LYPLAL1: variants seen among roughly 807,000 people sequenced by gnomAD.
LYPLAL1 encodes lysophospholipase-like protein 1.
Under a neutral mutation model 19.7 loss-of-function variants are expected in LYPLAL1, and 23 were observed. That is an observed-to-expected ratio of 1.17 (90% CI 0.84 to 1.65). The LOEUF (loss-of-function observed/expected upper bound fraction) is 1.65. Among genes scored for constraint, LYPLAL1 ranks in the 40% most tolerant of loss-of-function variants. The probability of loss-of-function intolerance (pLI) is 0.00; values close to 1 mark genes in which losing one functional copy is unlikely to be tolerated. For missense variants in LYPLAL1, 355 were observed against 279.4 expected, an observed-to-expected ratio of 1.27 and a Z score of -1.93; for synonymous variants, 119 against 96.3, an observed-to-expected ratio of 1.24 and a Z score of -1.38.
intron 2 of LYPLAL1, among the ~76,000 whole-genome samples, chr1:219,190,017 C>T (rs187085086): frequency 3.0e-4 from 46 of 151,566 alleles, no homozygotes; most frequent in Non-Finnish European, 5.2e-4. Context: ...ACGTTATATA[C>T]TAACTTAATA....
At chr1:219,406,203 C>T in the LYPLAL1 span, among the ~76,000 whole-genome samples, 1 of 152,154 alleles carries the variant, frequency 6.6e-6, no homozygotes, top group East Asian at 1.9e-4. Context: ...GCATTGGGGC[C>T]AAGAGCTTTT....
chr1:219,222,019 C>T, the LYPLAL1 span, among the ~76,000 whole-genome samples: 38 of 152,140 alleles, frequency 2.5e-4, no homozygotes, highest in Admixed American at 7.2e-4. Flanking sequence ...TGATAACTCA[C>T]GTGCTAGAAT....
At chr1:219,259,408 C>CAT in the LYPLAL1 span, among the ~76,000 whole-genome samples, 506 of 141,830 alleles carry the variant, frequency 3.6e-3, 4 homozygotes, top group South Asian at 4.0e-3. Context: ...GGTATATATA[C>CAT]ATATATATAT....
At chr1:219,441,451 T>C in the LYPLAL1 span, among the ~76,000 whole-genome samples, 1 of 152,182 alleles carries the variant, frequency 6.6e-6, no homozygotes, top group Non-Finnish European at 1.5e-5. Context: ...TGAAGCAAGA[T>C]TGTCCATGTG....
At chr1:219,401,700 G>A in the LYPLAL1 span, among the ~76,000 whole-genome samples, 1 of 152,132 alleles carries the variant, frequency 6.6e-6, no homozygotes, top group Admixed American at 6.5e-5. Context: ...TTGTAGCCAT[G>A]TGTATAATTA....
At chr1:219,277,363 G>T in the LYPLAL1 span, among the ~76,000 whole-genome samples, 1,945 of 152,278 alleles carry the variant, frequency 0.013, 27 homozygotes, top group South Asian at 0.054. Context: ...TGTAAATGGG[G>T]TGTAGCTGAA....
chr1:219,212,918 T>A (rs2125123952), downstream of LYPLAL1: 1 of 152,206 alleles, frequency 6.6e-6, no homozygotes, highest in East Asian at 1.9e-4. Context: ...AGGAGTAGAA[T>A]GGCTGGGTTA....
At chr1:219,235,927 T>A in the LYPLAL1 span, among the ~76,000 whole-genome samples, 5 of 152,330 alleles carry the variant, frequency 3.3e-5, no homozygotes, top group African/African-American at 9.6e-5. Context: ...TCAACAATAT[T>A]GTTTTCATTA....
chr1:219,311,463 C>T, the LYPLAL1 span, among the ~76,000 whole-genome samples: 1 of 151,994 alleles, frequency 6.6e-6, no homozygotes, highest in African/African-American at 2.4e-5. Context: ...ATTATTCCCC[C>T]CATACCAACA....
At chr1:219,232,625 A>G in the LYPLAL1 span, among the ~76,000 whole-genome samples, 1 of 152,342 alleles carries the variant, frequency 6.6e-6, no homozygotes, top group East Asian at 1.9e-4. Context: ...ATATTTGCCA[A>G]TCATTTATCT....
the LYPLAL1 span, among the ~76,000 whole-genome samples, chr1:219,383,473 T>G: frequency 1.3e-5 from 2 of 152,174 alleles, no homozygotes; most frequent in Non-Finnish European, 2.9e-5. Context: ...TCAATATACT[T>G]CAGGTGGTGT....
At chr1:219,412,940 C>A in the LYPLAL1 span, among the ~76,000 whole-genome samples, 3 of 152,140 alleles carry the variant, frequency 2.0e-5, no homozygotes, top group Non-Finnish European at 2.9e-5. Flanking sequence ...TTAAAAGGAA[C>A]CCTATAAGAC....
chr1:219,206,563 GA>G (rs902216884), intron 3 of LYPLAL1, among the ~76,000 whole-genome samples: 1 of 152,012 alleles, frequency 6.6e-6, no homozygotes. Context: ...TCATAAATGG[GA>G]AAGGGACTTA....
chr1:219,416,478 A>G, the LYPLAL1 span, among the ~76,000 whole-genome samples: 3 of 152,178 alleles, frequency 2.0e-5, no homozygotes, highest in African/African-American at 7.2e-5. Context: ...TTAGACAGCA[A>G]TCTTCTATTG....
the LYPLAL1 span, among the ~76,000 whole-genome samples, chr1:219,375,760 G>C: frequency 1.4e-5 from 2 of 144,684 alleles, no homozygotes; most frequent in East Asian, 4.0e-4. Context: ...TTTTGGCGTG[G>C]GGGCAGAGTC....
At chr1:219,357,449 T>A in the LYPLAL1 span, among the ~76,000 whole-genome samples, 2 of 152,190 alleles carry the variant, frequency 1.3e-5, no homozygotes, top group Non-Finnish European at 2.9e-5. Context: ...GAACATATGC[T>A]TCACATCACA....
At chr1:219,247,406 T>C in the LYPLAL1 span, among the ~76,000 whole-genome samples, 1 of 152,212 alleles carries the variant, frequency 6.6e-6, no homozygotes, top group South Asian at 2.1e-4. Context: ...TTGTGCTTCA[T>C]TATTTATGGT....
the LYPLAL1 span, among the ~76,000 whole-genome samples, chr1:219,424,065 G>C: frequency 6.7e-6 from 1 of 149,622 alleles, no homozygotes; most frequent in African/African-American, 2.4e-5. Flanking sequence ...ATACTATTAG[G>C]CACATTTATA....
At chr1:219,284,460 G>T in the LYPLAL1 span, among the ~76,000 whole-genome samples, 1 of 151,996 alleles carries the variant, frequency 6.6e-6, no homozygotes, top group Non-Finnish European at 1.5e-5. Flanking sequence ...CACATTACAT[G>T]CCTGTATCAA....
Sources: gnomAD v4.1 joint callset for allele counts (sites outside exome capture counted in the v4.1 genomes callset) on GRCh38, gnomAD v4.1.1 for gene constraint, MANE v1.5 for transcripts, NCBI Gene and HGNC (gene_info 2026-07-23, HGNC 2026-07-21) for gene names.